The following ELP3 variants were observed in gnomAD, a reference collection of about 807,000 sequenced individuals.
ELP3 encodes the protein elongator complex protein 3.
ELP3 carries 56 observed loss-of-function variants against 74.9 expected under a neutral mutation model. The ratio of observed to expected loss-of-function variants is 0.75; its 90% CI spans 0.60 to 0.93. The LOEUF (loss-of-function observed/expected upper bound fraction) is 0.93. ELP3 is among the 40% of genes least tolerant of loss of function. The pLI is 0.00. For missense variants in ELP3, 573 were observed against 686.5 expected (o/e 0.83, Z 1.85); for synonymous variants, 222 against 239.8 (o/e 0.93, Z 0.68).
At chr8:28,140,611 GT>G (rs989154466) in intron 10 of ELP3, among the ~76,000 whole-genome samples, 30 of 152,164 alleles carry the variant, frequency 2.0e-4, no homozygotes, top group African/African-American at 7.0e-4. Context: ...ACCAGCTGAG[GT>G]CAAACAGGTG....
At chr8:28,118,433 G>C (rs561390149) in intron 7 of ELP3, among the ~76,000 whole-genome samples, 1 of 152,198 alleles carries the variant, frequency 6.6e-6, no homozygotes, top group African/African-American at 2.4e-5. Flanking sequence ...CTCGTGGATG[G>C]ATAAATTGGA....
chr8:28,093,283 A>C, intron 1 of ELP3, 50 bp downstream of exon 1: 1 of 1,607,512 alleles, frequency 6.2e-7, no homozygotes, highest in Non-Finnish European at 8.5e-7. Flanking sequence ...AAAGGGGCGA[A>C]CGCCCAGGCA....
At chr8:28,177,396 A>G (rs533855878) in intron 14 of ELP3, among the ~76,000 whole-genome samples, 2 of 152,364 alleles carry the variant, frequency 1.3e-5, no homozygotes, top group South Asian at 4.1e-4. Context: ...AGAAATAATA[A>G]AGTCTCATTT....
At position 28,099,993 on chromosome 8, in the gene ELP3, G is replaced by A. The variant is rs1331059903; in HGVS notation, c.258+27G>A. 6.8e-6 allele frequency: 11 copies of A among 1,613,684 alleles called. No homozygotes were observed. The South Asian group carries it at 7.7e-5, about 11-fold the overall frequency. ...TGAGTGATTCGACTCATGAGGTATCGACACACTGGGTATCTGTTCTGGCAG... is the reference window on the plus strand; with the variant it reads ...TGAGTGATTCGACTCATGAGGTATCAACACACTGGGTATCTGTTCTGGCAG... On this transcript the variant is annotated intron_variant, in intron 3 of 14. Transcript: ENST00000256398.
chr8:28,146,806 C>A (rs1217600584), intron 10 of ELP3, among the ~76,000 whole-genome samples: 2 of 152,192 alleles, frequency 1.3e-5, no homozygotes, highest in Non-Finnish European at 2.9e-5. Flanking sequence ...GGAAAAACTT[C>A]CATCTGGTAT....
chr8:28,095,964 C>T (rs1811237893), intron 1 of ELP3, among the ~76,000 whole-genome samples: 1 of 152,218 alleles, frequency 6.6e-6, no homozygotes, highest in African/African-American at 2.4e-5. Flanking sequence ...AGGTGAGCAG[C>T]AGGCGAGCAA....
intron 14 of ELP3, among the ~76,000 whole-genome samples, chr8:28,173,569 C>A (rs1203997736): frequency 6.8e-6 from 1 of 146,544 alleles, no homozygotes; most frequent in African/African-American, 2.5e-5. Context: ...TTTTTTAATT[C>A]TCTATCTTCA....
Position 28,160,253 on chromosome 8 carries a change from G to A in ELP3, c.1282G>A (p.Val428Ile). The change falls in exon 13 of 15, where the codon GTT (valine) becomes ATT (isoleucine). Residue 428 changes from valine to isoleucine, a missense_variant. Coordinates refer to ENST00000256398, the MANE Select transcript of ELP3 (RefSeq NM_018091.6). Reference protein sequence around the residue: ...YQVELVRRDYVANGGWETFLS... With the variant: ...YQVELVRRDYIANGGWETFLS... ...GGTTGAATTGGTAAGGAGAGATTATGTTGCAAATGGTGGCTGGGAAACATT... is the reference window on the plus strand; with the variant it reads ...GGTTGAATTGGTAAGGAGAGATTATATTGCAAATGGTGGCTGGGAAACATT... 6.2e-7 allele frequency: 1 copy of A among 1,614,114 alleles called. No individual in the cohort carries two copies. The highest frequency in any genetic ancestry group is 1.1e-5 in the South Asian group (1 of 91,076).
intron 1 of ELP3, among the ~76,000 whole-genome samples, chr8:28,095,538 A>G (rs1033074059): frequency 1.3e-5 from 2 of 152,102 alleles, no homozygotes; most frequent in African/African-American, 4.8e-5. Flanking sequence ...GCTGAGTTAC[A>G]TGGTTTGGAA....
chr8:28,124,014 A>C (rs1043323674), intron 7 of ELP3, among the ~76,000 whole-genome samples: 1 of 152,016 alleles, frequency 6.6e-6, no homozygotes, highest in Non-Finnish European at 1.5e-5. Context: ...CATTTGATGT[A>C]ATTATTGATA....
chr8:28,113,322 A>T (rs1046178064), intron 7 of ELP3, 149 bp downstream of exon 7: 8 of 575,028 alleles, frequency 1.4e-5, no homozygotes, highest in Non-Finnish European at 1.7e-5. Context: ...TTTCAGTGAA[A>T]ATAATGCTTT....
At chr8:28,167,103 T>C (rs1814335660) in intron 14 of ELP3, among the ~76,000 whole-genome samples, 1 of 152,228 alleles carries the variant, frequency 6.6e-6, no homozygotes. Flanking sequence ...CCATTTTGTT[T>C]AAATCTATTA....
At chr8:28,107,109 G>A (rs796612661) in intron 4 of ELP3, among the ~76,000 whole-genome samples, 30 of 152,248 alleles carry the variant, frequency 2.0e-4, no homozygotes, top group Non-Finnish European at 2.9e-4. Context: ...TTAGCCGAGC[G>A]TGGTGGCATG....
rs1050244260 is a variant in ELP3, at chr8:28,150,310, C to T, written c.1101-5632C>T. ...ACCCTTGTTTTTGTTCAACATTTCTCTTTATGTAGGTCTGAGTTTCTGACC... is the reference window on the plus strand; with the variant it reads ...ACCCTTGTTTTTGTTCAACATTTCTTTTTATGTAGGTCTGAGTTTCTGACC... On this transcript the variant is annotated intron_variant, in intron 10 of 14. Transcript: ENST00000256398. 3.3e-5 allele frequency among the ~76,000 whole-genome samples: 5 copies of T among 152,280 alleles called. No individual in the cohort carries two copies. In the East Asian group the frequency reaches 7.7e-4, roughly 23 times the overall value.
chr8:28,132,229 T>C (rs1294558447), intron 8 of ELP3, 49 bp from the exon 9 acceptor site: 1 of 1,605,856 alleles, frequency 6.2e-7, no homozygotes, highest in Non-Finnish European at 8.5e-7. Context: ...GTAACAGATG[T>C]TACACAAATA....
intron 7 of ELP3, among the ~76,000 whole-genome samples, chr8:28,114,051 A>C (rs1812025944): frequency 6.6e-6 from 1 of 152,074 alleles, no homozygotes; most frequent in Non-Finnish European, 1.5e-5. Context: ...TTAAGAAGTG[A>C]AAGTCTTAAA....
chr8:28,111,545 T>C (rs1302797663), intron 6 of ELP3, among the ~76,000 whole-genome samples: 1 of 152,240 alleles, frequency 6.6e-6, no homozygotes, highest in Non-Finnish European at 1.5e-5. Context: ...TCCACTTTGC[T>C]GTCACCCAAG....
At chr8:28,101,936 A>G (rs944050234) in intron 3 of ELP3, among the ~76,000 whole-genome samples, 1 of 152,140 alleles carries the variant, frequency 6.6e-6, no homozygotes, top group Admixed American at 6.5e-5. Context: ...ATTAAAGAAG[A>G]CAGAAACTTA....
chr8:28,182,466 C>T (rs1414118100), intron 14 of ELP3, among the ~76,000 whole-genome samples: 6 of 152,274 alleles, frequency 3.9e-5, no homozygotes, highest in African/African-American at 1.4e-4. Context: ...GAGGCTGAGG[C>T]AGGAGAATCG....
Sources: allele counts gnomAD v4.1 joint callset (sites outside exome capture counted in the v4.1 genomes callset), GRCh38; gene constraint gnomAD v4.1.1; transcripts MANE v1.5; gene names NCBI Gene and HGNC (gene_info 2026-07-23, HGNC 2026-07-21).